PPARGC1B: variants seen among roughly 807,000 people sequenced by gnomAD.
The protein encoded by PPARGC1B is peroxisome proliferator-activated receptor gamma coactivator 1-beta.
PPARGC1B carries 34 observed loss-of-function variants against 101.6 expected under a neutral mutation model. That is an observed-to-expected ratio of 0.33 (90% CI 0.25 to 0.45). The LOEUF is 0.45. Among genes scored for constraint, PPARGC1B ranks in the 20% least tolerant of loss-of-function variants. PPARGC1B has a pLI of 1.00. For synonymous variants in PPARGC1B, 548 were observed against 539.3 expected (o/e 1.02, Z -0.22); for missense variants, 1,234 against 1,317.6 (o/e 0.94, Z 0.98).
At chr5:149,794,661 G>C (rs1388406223) in intron 1 of PPARGC1B, among the ~76,000 whole-genome samples, 4 of 152,238 alleles carry the variant, frequency 2.6e-5, no homozygotes, top group East Asian at 1.9e-4. Flanking sequence ...GGCAGGAGAA[G>C]GGTGGGCAAG....
At chr5:149,831,012 C>A in intron 4 of PPARGC1B, 129 bp downstream of exon 4, 1 of 712,228 alleles carries the variant, frequency 1.4e-6, no homozygotes, top group Non-Finnish European at 2.5e-6. Context: ...GCCCTTGTAG[C>A]TGGTGTCCTG....
At chr5:149,813,773 C>T (rs904149422) in intron 1 of PPARGC1B, among the ~76,000 whole-genome samples, 1 of 152,190 alleles carries the variant, frequency 6.6e-6, no homozygotes, top group African/African-American at 2.4e-5. Flanking sequence ...CACAACAGAA[C>T]TTTATTTCTC....
intron 1 of PPARGC1B, among the ~76,000 whole-genome samples, chr5:149,812,685 G>A (rs1757910144): frequency 6.6e-6 from 1 of 152,224 alleles, no homozygotes; most frequent in African/African-American, 2.4e-5. Context: ...GCAGGTAGTG[G>A]CAAAGAGGGC....
intron 1 of PPARGC1B, among the ~76,000 whole-genome samples, chr5:149,751,046 C>T (rs555912493): frequency 7.2e-5 from 11 of 152,238 alleles, no homozygotes; most frequent in Non-Finnish European, 1.5e-4. Context: ...TGTAATTTAT[C>T]GTTAATACCA....
At chr5:149,825,861 C>T (rs750954303) in intron 2 of PPARGC1B, among the ~76,000 whole-genome samples, 11 of 152,276 alleles carry the variant, frequency 7.2e-5, no homozygotes, top group African/African-American at 2.4e-4. Flanking sequence ...TGGCAGAAAT[C>T]GTGTAACAGT....
chr5:149,761,275 T>C (rs1755707512), intron 1 of PPARGC1B, among the ~76,000 whole-genome samples: 1 of 152,164 alleles, frequency 6.6e-6, no homozygotes, highest in Non-Finnish European at 1.5e-5. Flanking sequence ...GTGTGTGTGG[T>C]GAGAACGTTT....
chr5:149,772,958 G>T (rs761559203), intron 1 of PPARGC1B, among the ~76,000 whole-genome samples: 1 of 152,164 alleles, frequency 6.6e-6, no homozygotes, highest in Non-Finnish European at 1.5e-5. Context: ...GAACATACCT[G>T]GTGCTTAAGG....
chr5:149,751,990 T>C (rs190560574), intron 1 of PPARGC1B, among the ~76,000 whole-genome samples: 1 of 152,280 alleles, frequency 6.6e-6, no homozygotes, highest in East Asian at 1.9e-4. Flanking sequence ...GTATAATGGA[T>C]CTGAAAGCAA....
intron 1 of PPARGC1B, among the ~76,000 whole-genome samples, chr5:149,778,263 A>G (rs6892940): frequency 0.71 from 106,905 of 151,572 alleles, 38,409 homozygotes; most frequent in African/African-American, 0.84. Context: ...CCCCTGACCC[A>G]AGAGTGGTGA....
intron 1 of PPARGC1B, among the ~76,000 whole-genome samples, chr5:149,739,185 A>G (rs1754827504): frequency 6.6e-6 from 1 of 152,324 alleles, no homozygotes; most frequent in Middle Eastern, 3.4e-3. Flanking sequence ...GTGAATCCCC[A>G]TCCCTCCATC....
At chr5:149,734,321 CAAAAAAAAAAAA>C (rs1221455764) in intron 1 of PPARGC1B, among the ~76,000 whole-genome samples, 6 of 64,512 alleles carry the variant, frequency 9.3e-5, no homozygotes, top group South Asian at 7.4e-4. Context: ...AACTCATTCT[CAAAAAAAAAAAA>C]AAAAAAAAAA....
At chr5:149,835,130 C>T (rs1758991745) in intron 6 of PPARGC1B, among the ~76,000 whole-genome samples, 171 bp from the exon 7 acceptor site, 1 of 152,248 alleles carries the variant, frequency 6.6e-6, no homozygotes, top group Non-Finnish European at 1.5e-5. Context: ...TTGAATTCCT[C>T]TAACAGCCGG....
At chr5:149,738,467 T>C (rs549562658) in intron 1 of PPARGC1B, among the ~76,000 whole-genome samples, 1 of 152,342 alleles carries the variant, frequency 6.6e-6, no homozygotes, top group Admixed American at 6.5e-5. Context: ...AGTCTGAGTG[T>C]TCCTGAGAAG....
At chr5:149,771,892 TTAAG>T in intron 1 of PPARGC1B, 1 of 755,244 alleles carries the variant, frequency 1.3e-6, no homozygotes, top group Non-Finnish European at 1.9e-6. Flanking sequence ...TTCATCCTGT[TTAAG>T]TGATGTCACT....
chr5:149,815,200 G>T (rs1581087135), intron 1 of PPARGC1B, among the ~76,000 whole-genome samples: 1 of 152,182 alleles, frequency 6.6e-6, no homozygotes, highest in African/African-American at 2.4e-5. Flanking sequence ...CAAAAAAGGT[G>T]TGCTGAAGCC....
At chr5:149,788,173 C>T (rs1756879352) in intron 1 of PPARGC1B, among the ~76,000 whole-genome samples, 2 of 152,040 alleles carry the variant, frequency 1.3e-5, no homozygotes, top group Admixed American at 1.3e-4. Context: ...TACAATCTAC[C>T]CATCTGACAA....
chr5:149,799,108 G>T (rs540479136), intron 1 of PPARGC1B, among the ~76,000 whole-genome samples: 1 of 152,032 alleles, frequency 6.6e-6, no homozygotes, highest in South Asian at 2.1e-4. Context: ...GGAGAATGGG[G>T]GACAGATTCC....
intron 2 of PPARGC1B, among the ~76,000 whole-genome samples, chr5:149,823,191 T>C (rs1758370967): frequency 6.6e-6 from 1 of 152,204 alleles, no homozygotes; most frequent in African/African-American, 2.4e-5. Context: ...CATGTGTCCT[T>C]GGATGAGTAG....
In PPARGC1B at chr5:149,845,903, A is replaced by G; in HGVS notation, c.2960A>G (p.Tyr987Cys). 1 of 1,614,258 alleles carries G rather than the reference A, an allele frequency of 6.2e-7. No individual in the cohort carries two copies. Among genetic ancestry groups the G allele is most frequent in the Non-Finnish European group, 8.5e-7 (1 of 1,180,050 alleles). The change falls in exon 11 of 12, where the codon TAC (tyrosine) becomes TGC (cysteine). Residue 987 changes from tyrosine (Y) to cysteine (C), a missense_variant. Physicochemically the swap from Tyr to Cys is radical, Grantham distance 194. Around this residue, in one of 3 missense-constraint regions of PPARGC1B, gnomAD observed 497 missense variants for 529.5 expected, o/e 0.94. Coordinates refer to ENST00000309241, the MANE Select transcript of PPARGC1B (RefSeq NM_133263.4). ...CTCCGGCACTTCTGCTGGCCCAGAT[A>G]CACTGACTACGGTAAGCCCCTGAAA... Reference protein sequence around the residue: ...GGLRHFCWPRYTDYDSNSEEA... With the variant: ...GGLRHFCWPRCTDYDSNSEEA...
Sources: gnomAD v4.1 joint callset for allele counts (sites outside exome capture counted in the v4.1 genomes callset) on GRCh38, gnomAD v4.1.1 for gene constraint, gnomAD v4.1.1 regional missense constraint, MANE v1.5 for transcripts, NCBI Gene and HGNC (gene_info 2026-07-23, HGNC 2026-07-21) for gene names.